The following TGFBR2 variants were observed in gnomAD, a reference collection of about 807,000 sequenced individuals.
TGFBR2 encodes the protein transforming growth factor beta receptor 2.
In TGFBR2, 18 loss-of-function variants were observed where a neutral mutation model predicts 49.0. That is an observed-to-expected ratio of 0.37 (90% CI 0.25 to 0.54). The LOEUF is 0.54. TGFBR2 is among the 20% of genes least tolerant of loss of function. The pLI is 0.85. For synonymous variants in TGFBR2, 282 were observed against 275.9 expected, an observed-to-expected ratio of 1.02 and a Z score of -0.22; for missense variants, 525 against 722.6, an observed-to-expected ratio of 0.73 and a Z score of 3.13.
In TGFBR2 at chr3:30,606,738, C is replaced by A; in HGVS notation, c.-146C>A. ...TCCAGGCCCCCTCCTGGCTGGCGAG[C>A]GGGCGCCACATCTGGCCCGCACATC... On this transcript the variant is annotated 5_prime_UTR_variant, in exon 1 of 7. Coordinates refer to ENST00000295754, the MANE Select transcript of TGFBR2 (RefSeq NM_003242.6). The A allele has an allele frequency of 2.0e-6, 1 of 512,258 alleles. No homozygotes were observed. The highest frequency in any genetic ancestry group is 3.1e-6 in the Non-Finnish European group (1 of 326,856). The allele number at this position is 512,258 out of a possible 1,614,324, so 31.7% of individuals were successfully genotyped here.
Position 30,693,306 on chromosome 3 carries a change from A to C in TGFBR2, c.*1707A>C, listed in dbSNP as rs770496087. The stretch of plus-strand genomic sequence containing the variant: ...AGAGAGGATTTGAATGTGGGACACA[A>C]AGGTCCCATTTGCAGTTAGAAAATT... On this transcript the variant is annotated 3_prime_UTR_variant, in exon 7 of 7. Transcript: ENST00000295754. 1.5e-4 allele frequency: 35 copies of C among 233,704 alleles called. No individual in the cohort carries two copies. Among genetic ancestry groups the C allele is most frequent in the Non-Finnish European group, 2.5e-4 (29 of 118,028 alleles). 14.5% of individuals were successfully genotyped at this position (233,704 alleles called of 1,614,324 possible).
chr3:30,692,347 C>G lies in TGFBR2; in HGVS notation c.*748C>G, dbSNP rs1042256388. On this transcript the variant is annotated 3_prime_UTR_variant, in exon 7 of 7. Coordinates refer to ENST00000295754, the MANE Select transcript of TGFBR2 (RefSeq NM_003242.6). ...TGGGGGGCTAGTTTAGAAACTCTCC[C>G]TCAACCTAGTTTAGAAACTCTACCC... 6.1e-5 allele frequency: 14 copies of G among 230,270 alleles called. No homozygotes were observed. The highest frequency in any genetic ancestry group is 2.7e-4 in the African/African-American group (12 of 45,136). The allele number at this position is 230,270 out of a possible 1,614,324, so 14.3% of individuals were successfully genotyped here.
chr3:30,644,338 C>T (rs762951529), intron 1 of TGFBR2, among the ~76,000 whole-genome samples: 1 of 152,156 alleles, frequency 6.6e-6, no homozygotes, highest in Non-Finnish European at 1.5e-5. Context: ...TTTTGGGTCA[C>T]CCTGACTTGG....
At position 30,641,135 on chromosome 3, in the gene TGFBR2, G is replaced by T. The variant is rs372357556; in HGVS notation, c.95-3612G>T. On this transcript the variant is annotated intron_variant, in intron 1 of 6. Transcript: ENST00000295754. ...ATTAGTGACTCTTGAGGATTCCGGG[G>T]TTGGCTTGGGATGCCTTAACTGGAT... 4.6e-5 allele frequency among the ~76,000 whole-genome samples: 7 copies of T among 152,248 alleles called. No individual in the cohort carries two copies. In the East Asian group the frequency reaches 1.4e-3, roughly 30 times the overall value.
At chr3:30,668,965 CTG>C (rs1485042036) in intron 3 of TGFBR2, among the ~76,000 whole-genome samples, 6 of 152,016 alleles carry the variant, frequency 3.9e-5, no homozygotes, top group African/African-American at 1.4e-4. Flanking sequence ...TCATTTCTCA[CTG>C]TTTCGTTAGA....
At chr3:30,621,278 CTT>C (rs10688941) in intron 1 of TGFBR2, among the ~76,000 whole-genome samples, 5 of 116,310 alleles carry the variant, frequency 4.3e-5, no homozygotes, top group African/African-American at 6.7e-5. Flanking sequence ...TTTTAATATT[CTT>C]TTTTTTTTTT....
chr3:30,633,731 A>C (rs1461758666), intron 1 of TGFBR2, among the ~76,000 whole-genome samples: 4 of 152,132 alleles, frequency 2.6e-5, no homozygotes, highest in African/African-American at 9.7e-5. Flanking sequence ...TTTAAGTGGA[A>C]TTAGAAAACC....
chr3:30,629,387 C>A (rs1187232571), intron 1 of TGFBR2, among the ~76,000 whole-genome samples: 1 of 152,170 alleles, frequency 6.6e-6, no homozygotes, highest in Non-Finnish European at 1.5e-5. Context: ...GAACCAGCTC[C>A]TCCCAGTGGG....
intron 3 of TGFBR2, chr3:30,661,501 C>T (rs1168782285): frequency 2.1e-6 from 1 of 470,532 alleles, no homozygotes; most frequent in African/African-American, 2.0e-5. Context: ...TTTTAATGGC[C>T]TGAAATGACC....
chr3:30,641,850 G>C (rs1015173536), intron 1 of TGFBR2, among the ~76,000 whole-genome samples: 2 of 151,878 alleles, frequency 1.3e-5, no homozygotes, highest in African/African-American at 4.8e-5. Context: ...TGTGCAAATT[G>C]GTGGACCTTC....
At chr3:30,632,996 G>A (rs1357133723) in intron 1 of TGFBR2, among the ~76,000 whole-genome samples, 6 of 152,128 alleles carry the variant, frequency 3.9e-5, no homozygotes, top group Non-Finnish European at 5.9e-5. Context: ...CCCACCCCTT[G>A]TATACTTTCT....
chr3:30,681,730 C>T (rs2125446224), intron 5 of TGFBR2, among the ~76,000 whole-genome samples: 1 of 152,248 alleles, frequency 6.6e-6, no homozygotes, highest in African/African-American at 2.4e-5. Flanking sequence ...GTCTGTCTGG[C>T]TTCAGAAACA....
chr3:30,643,058 C>G (rs953833738), intron 1 of TGFBR2, among the ~76,000 whole-genome samples: 1 of 151,974 alleles, frequency 6.6e-6, no homozygotes, highest in African/African-American at 2.4e-5. Context: ...TTTTTAGAGA[C>G]CCAGGAAACA....
rs773832753 is a variant in TGFBR2 at position 30,644,781 on chromosome 3, T to C, written c.129T>C (p.Gly43=). The C allele has an allele frequency of 2.5e-6, 4 of 1,614,148 alleles. No homozygotes were observed. The highest frequency in any genetic ancestry group is 2.5e-6 in the Non-Finnish European group (3 of 1,179,990). Residue 43 remains glycine, a synonymous_variant, in exon 2 of 7, where the codon GGT becomes GGC. Transcript: ENST00000295754. ...NNDMIVTDNN[G]AVKFPQLCKF... ...ACATGATAGTCACTGACAACAACGG[T>C]GCAGTCAAGTTTCCACAACTGTGTA...
At chr3:30,669,371 A>G (rs896538580) in intron 3 of TGFBR2, among the ~76,000 whole-genome samples, 2 of 152,124 alleles carry the variant, frequency 1.3e-5, no homozygotes, top group African/African-American at 2.4e-5. Context: ...ATATGAACAC[A>G]CATGAGGAGT....
At chr3:30,660,635 C>A (rs1193690586) in intron 3 of TGFBR2, among the ~76,000 whole-genome samples, 1 of 152,152 alleles carries the variant, frequency 6.6e-6, no homozygotes, top group Admixed American at 6.5e-5. Context: ...AAAACCAACA[C>A]CTGTTTTACC....
At chr3:30,636,847 G>C (rs575606797) in intron 1 of TGFBR2, among the ~76,000 whole-genome samples, 1 of 151,836 alleles carries the variant, frequency 6.6e-6, no homozygotes, top group African/African-American at 2.4e-5. Context: ...GGCAGATCAC[G>C]AGGTCAGGAG....
intron 5 of TGFBR2, among the ~76,000 whole-genome samples, chr3:30,678,090 TAG>T (rs1699470077): frequency 6.6e-6 from 1 of 152,192 alleles, no homozygotes; most frequent in Admixed American, 6.5e-5. Context: ...TGATGAATCA[TAG>T]ATGGACAGTA....
At chr3:30,655,439 T>A (rs1251339951) in intron 3 of TGFBR2, among the ~76,000 whole-genome samples, 1 of 152,250 alleles carries the variant, frequency 6.6e-6, no homozygotes, top group Non-Finnish European at 1.5e-5. Context: ...GGGAGCATGC[T>A]GAGTCTAGAA....
Sources: gnomAD v4.1 joint callset for allele counts (sites outside exome capture counted in the v4.1 genomes callset) on GRCh38, gnomAD v4.1.1 for gene constraint, MANE v1.5 for transcripts, NCBI Gene and HGNC (gene_info 2026-07-23, HGNC 2026-07-21) for gene names.